TRARG1: variants seen among roughly 807,000 people sequenced by gnomAD.
TRARG1 encodes the protein trafficking regulator of GLUT4 1.
Under a neutral mutation model 13.3 loss-of-function variants are expected in TRARG1, and 16 were observed. The observed-to-expected ratio is 1.20, with a 90% CI of 0.81 to 1.83. The LOEUF (loss-of-function observed/expected upper bound fraction) is 1.83. Ranked by LOEUF, TRARG1 falls within the 40% of genes most tolerant of loss-of-function variation. TRARG1 has a pLI of 0.00. For missense variants in TRARG1, 250 were observed against 237.4 expected, an observed-to-expected ratio of 1.05 and a Z score of -0.35; for synonymous variants, 113 against 106.2, an observed-to-expected ratio of 1.06 and a Z score of -0.39.
intron 1 of TRARG1, among the ~76,000 whole-genome samples, chr17:1,283,266 A>C (rs1468518544): frequency 6.6e-6 from 1 of 152,118 alleles, no homozygotes; most frequent in African/African-American, 2.4e-5. Context: ...TGAGGGGGTG[A>C]AATGAGACGG....
chr17:1,288,374 C>T (rs1183817501), intron 1 of TRARG1, among the ~76,000 whole-genome samples: 1 of 123,976 alleles, frequency 8.1e-6, no homozygotes, highest in African/African-American at 3.1e-5. Context: ...GGCTCCCCAT[C>T]CCCCATGGGC....
chr17:1,295,113 C>T (rs112846962), intron 1 of TRARG1, among the ~76,000 whole-genome samples: 22 of 152,304 alleles, frequency 1.4e-4, no homozygotes, highest in East Asian at 9.7e-4. Context: ...TTGAGGCTTG[C>T]GCTGGGGTCC....
chr17:1,280,064 G>A lies in TRARG1; in HGVS notation c.63G>A (p.Leu21=). The A allele has an allele frequency of 1.2e-6, 2 of 1,613,506 alleles. No homozygotes were observed. The highest frequency in any genetic ancestry group is 3.3e-5 in the Admixed American group (2 of 60,022). ...AGGAGCCAGGCTCCGCCGCATTCCT[G>A]GACCTGCCGGAGATGGAGATACTCC... The part of the protein sequence containing the change: ...SAQEPGSAAF[L]DLPEMEILLT... Residue 21 remains leucine (L), a synonymous_variant, in exon 1 of 3, where the codon CTG becomes CTA. Transcript: ENST00000333813.
Position 1,281,410 on chromosome 17 carries a change from C to A in TRARG1, c.387+1022C>A, listed in dbSNP as rs147767735. 6.8e-3 allele frequency among the ~76,000 whole-genome samples: 1,032 copies of A among 152,062 alleles called. 12 individuals carry two copies. Among genetic ancestry groups the A allele is most frequent in the African/African-American group, 0.024 (975 of 41,484 alleles). Reference sequence around the variant, plus strand: ...CCAAGAGTGACTCCCTGCAGAGTCACCATCACCGAACCCCCAGGAGCTGTC... The same window carrying A: ...CCAAGAGTGACTCCCTGCAGAGTCAACATCACCGAACCCCCAGGAGCTGTC... On this transcript the variant is annotated intron_variant, in intron 1 of 2. Transcript: ENST00000333813.
chr17:1,291,275 T>G (rs947225940), intron 1 of TRARG1, among the ~76,000 whole-genome samples: 1 of 151,990 alleles, frequency 6.6e-6, no homozygotes, highest in Non-Finnish European at 1.5e-5. Context: ...CGCGCCCAGC[T>G]AATTTTTGTA....
chr17:1,284,015 T>A (rs1374137732), intron 1 of TRARG1, among the ~76,000 whole-genome samples: 2 of 151,598 alleles, frequency 1.3e-5, no homozygotes, highest in African/African-American at 4.9e-5. Flanking sequence ...CTCAGGAGGC[T>A]GAGGCAGGAG....
At chr17:1,283,238 G>A (rs574523307) in intron 1 of TRARG1, among the ~76,000 whole-genome samples, 44 of 152,278 alleles carry the variant, frequency 2.9e-4, no homozygotes, top group Admixed American at 2.0e-3. Flanking sequence ...TAACCTCAAT[G>A]CCTGCACGAG....
chr17:1,279,985 G>T lies in TRARG1; in HGVS notation c.-17G>T, dbSNP rs781587048. The T allele has an allele frequency of 3.1e-6, 5 of 1,596,430 alleles. No individual in the cohort carries two copies. Among genetic ancestry groups the T allele is most frequent in the Non-Finnish European group, 4.3e-6 (5 of 1,170,442 alleles). On this transcript the variant is annotated 5_prime_UTR_variant, in exon 1 of 3. Transcript: ENST00000333813. ...TGTCCCAGCCTGGAGCTGCAGCCGC[G>T]CAAGGCCCAGGCCCCCATGGCCCAC...
Position 1,295,835 on chromosome 17 carries a change from C to T in TRARG1, c.520+212C>T, listed in dbSNP as rs192789737. The stretch of plus-strand genomic sequence containing the variant: ...TGGGCTGGCAGACTTGTCTTATGCC[C>T]AGAGAGTGAACTGATGGAAAGGGTG... On this transcript the variant is annotated intron_variant, in intron 2 of 2. Coordinates refer to ENST00000333813, the MANE Select transcript of TRARG1 (RefSeq NM_172367.3). Among the ~76,000 whole-genome samples, 251 of 152,314 alleles carry T rather than the reference C, an allele frequency of 1.6e-3. 2 individuals carry two copies. In the South Asian group the frequency reaches 0.017, roughly 10 times the overall value.
intron 1 of TRARG1, among the ~76,000 whole-genome samples, chr17:1,295,245 T>G (rs2072102402): frequency 6.6e-6 from 1 of 152,242 alleles, no homozygotes; most frequent in African/African-American, 2.4e-5. Flanking sequence ...TGCCAGGCTT[T>G]GCTGGGTTCT....
At chr17:1,280,450 C>G in intron 1 of TRARG1, 62 bp downstream of exon 1, 1 of 1,482,566 alleles carries the variant, frequency 6.7e-7, no homozygotes, top group Non-Finnish European at 9.0e-7. Flanking sequence ...GGTGTTTCCC[C>G]CAGGCAGGCA....
Position 1,298,763 on chromosome 17 carries a change from C to T in TRARG1, c.*499C>T, listed in dbSNP as rs576017793. On this transcript the variant is annotated 3_prime_UTR_variant, in exon 3 of 3. Coordinates refer to ENST00000333813, the MANE Select transcript of TRARG1 (RefSeq NM_172367.3). ...GTTTGCATGCTTCGTGCCACACGCC[C>T]GCGGTGATCCCAGCCAGGGCCCCGA... 1.2e-4 allele frequency: 18 copies of T among 155,580 alleles called. No homozygotes were observed. In the South Asian group the frequency reaches 3.4e-3, roughly 30 times the overall value. The allele number at this position is 155,580 out of a possible 1,614,324, so 9.6% of individuals were successfully genotyped here.
rs1381575854 is a variant in TRARG1 at position 1,280,304 on chromosome 17, C to CAG, written c.307_308dup (p.Asp103GlufsTer67). The CAG allele has an allele frequency of 2.5e-6, 4 of 1,613,894 alleles. No individual in the cohort carries two copies. In the African/African-American group the frequency reaches 5.3e-5, roughly 22 times the overall value. The stretch of plus-strand genomic sequence containing the variant: ...CCTATGCCCAAGACCAAGAAGCCCC[C>CAG]AGAGATTACCTCATCCTGGCCGTCG... On this transcript the variant is annotated frameshift_variant, in exon 1 of 3. Coordinates refer to ENST00000333813, the MANE Select transcript of TRARG1 (RefSeq NM_172367.3). LOFTEE classifies it high-confidence loss of function.
chr17:1,293,730 T>G (rs1215163434), intron 1 of TRARG1, among the ~76,000 whole-genome samples: 4 of 152,024 alleles, frequency 2.6e-5, no homozygotes, highest in Non-Finnish European at 5.9e-5. Context: ...TTGAATTTGA[T>G]GATGTCACGC....
intron 1 of TRARG1, among the ~76,000 whole-genome samples, chr17:1,291,299 C>T (rs552860247): frequency 6.6e-6 from 1 of 152,098 alleles, no homozygotes; most frequent in South Asian, 2.1e-4. Context: ...TTAGTGGAGA[C>T]AGGGTTTTGC....
chr17:1,297,298 A>G (rs1197893463), intron 2 of TRARG1, among the ~76,000 whole-genome samples: 1 of 152,066 alleles, frequency 6.6e-6, no homozygotes, highest in Non-Finnish European at 1.5e-5. Context: ...GGGGTGCCCA[A>G]CTTGAGCTTG....
intron 1 of TRARG1, among the ~76,000 whole-genome samples, chr17:1,283,928 C>T (rs8072188): frequency 0.025 from 3,762 of 151,996 alleles, 159 homozygotes; most frequent in African/African-American, 0.084. Flanking sequence ...CTGGCTAACA[C>T]GGTGAATCCC....
At chr17:1,296,814 T>A (rs1468344553) in intron 2 of TRARG1, among the ~76,000 whole-genome samples, 12 of 151,442 alleles carry the variant, frequency 7.9e-5, no homozygotes, top group Admixed American at 7.9e-4. Flanking sequence ...CCCGGCTAAG[T>A]TTGTATTTTT....
intron 1 of TRARG1, among the ~76,000 whole-genome samples, chr17:1,283,652 C>T (rs1019582693): frequency 2.6e-5 from 4 of 151,222 alleles, no homozygotes; most frequent in South Asian, 2.1e-4. Context: ...ACTAAAAATA[C>T]AAAAAAATTA....
Sources: allele counts gnomAD v4.1 joint callset (sites outside exome capture counted in the v4.1 genomes callset), GRCh38; gene constraint gnomAD v4.1.1; transcripts MANE v1.5; gene names NCBI Gene and HGNC (gene_info 2026-07-23, HGNC 2026-07-21).